The following NDC80 variants were observed in gnomAD, a reference collection of about 807,000 sequenced individuals.
NDC80 encodes NDC80 kinetochore complex component, also known as kinetochore protein NDC80 homolog.
In NDC80, 69 loss-of-function variants were observed where a neutral mutation model predicts 89.3. That is an observed-to-expected ratio of 0.77 (90% CI 0.64 to 0.94). The LOEUF is 0.94. NDC80 is among the 40% of genes least tolerant of loss of function. NDC80 has a pLI of 0.00. For missense variants in NDC80, 593 were observed against 739.6 expected (o/e 0.80, Z 2.30); for synonymous variants, 243 against 255.6 (o/e 0.95, Z 0.47).
intron 7 of NDC80, among the ~76,000 whole-genome samples, chr18:2,586,887 T>G (rs2072605219): frequency 6.6e-6 from 1 of 152,170 alleles, no homozygotes; most frequent in South Asian, 2.1e-4. Context: ...GTTGTCAGAG[T>G]ATCTGGCTTC....
In NDC80 at chr18:2,579,032, AT is replaced by A; in HGVS notation, c.579+6del. ...TTTGGCTAATAGACTGCATCAAGGT[AT>A]TTGATTTGTTCTTTTGAAATGTATA... On this transcript the variant is annotated splice_donor_region_variant and intron_variant, in intron 6 of 16. Transcript: ENST00000261597. 6.7e-7 allele frequency: 1 copy of A among 1,501,832 alleles called. No homozygotes were observed. Among genetic ancestry groups the A allele is most frequent in the South Asian group, 1.3e-5 (1 of 74,462 alleles). 93.0% of individuals were successfully genotyped at this position (1,501,832 alleles called of 1,614,324 possible). A position where few individuals can be genotyped will look rare whatever the true frequency, so the allele number is the denominator to read the frequency against.
At chr18:2,576,591 A>G (rs1325448576) in intron 3 of NDC80, among the ~76,000 whole-genome samples, 2 of 152,216 alleles carry the variant, frequency 1.3e-5, no homozygotes, top group East Asian at 3.8e-4. Context: ...CAACACTTTG[A>G]GAACAACCAT....
chr18:2,585,304 A>C, intron 7 of NDC80, 102 bp downstream of exon 7: 2 of 826,296 alleles, frequency 2.4e-6, no homozygotes, highest in Non-Finnish European at 3.8e-6. Context: ...TAGAGTAATA[A>C]ACCGACTGTA....
intron 15 of NDC80, 25 bp from the exon 16 acceptor site, chr18:2,610,734 T>G (rs1487708009): frequency 6.6e-7 from 1 of 1,510,948 alleles, no homozygotes; most frequent in Admixed American, 1.9e-5. Flanking sequence ...CCTGGACAAC[T>G]TAAACAAGAG....
chr18:2,589,634 A>C (rs1197825571), intron 9 of NDC80, among the ~76,000 whole-genome samples: 1 of 152,230 alleles, frequency 6.6e-6, no homozygotes, highest in African/African-American at 2.4e-5. Context: ...AGAAGCCCTG[A>C]GTTTTGGAGG....
chr18:2,594,851 A>G (rs561464021), intron 10 of NDC80: 3 of 152,456 alleles, frequency 2.0e-5, no homozygotes, highest in African/African-American at 4.8e-5. Flanking sequence ...AGGAAGGTCA[A>G]TGGAGGGATC....
chr18:2,589,564 A>G (rs1342278236), intron 9 of NDC80, among the ~76,000 whole-genome samples: 1 of 152,212 alleles, frequency 6.6e-6, no homozygotes, highest in Non-Finnish European at 1.5e-5. Context: ...CTTACATAAG[A>G]TCAAAAGTAC....
chr18:2,604,478 T>A (rs1007606585), intron 13 of NDC80, among the ~76,000 whole-genome samples: 2 of 151,792 alleles, frequency 1.3e-5, no homozygotes, highest in African/African-American at 4.8e-5. Flanking sequence ...AGCTCAGGAG[T>A]TCAGGACCAG....
chr18:2,612,276 CTTTTTTTTTTTTTTTTTTT>C (rs55648444), intron 16 of NDC80, among the ~76,000 whole-genome samples: 1 of 60,398 alleles, frequency 1.7e-5, no homozygotes, highest in Non-Finnish European at 2.9e-5. Flanking sequence ...TCTTTTCTTT[CTTTTTTTTTTTTTTTTTTT>C]TTTTTTTTTT....
chr18:2,604,788 T>C (rs2072701638), intron 13 of NDC80, among the ~76,000 whole-genome samples: 1 of 152,216 alleles, frequency 6.6e-6, no homozygotes, highest in South Asian at 2.1e-4. Context: ...GGGGCTTGCC[T>C]TACTGGTTGA....
At position 2,602,905 on chromosome 18, in the gene NDC80, G is replaced by A. The variant is rs138097512; in HGVS notation, c.1464+1420G>A. Among the ~76,000 whole-genome samples, 27 of 152,300 alleles carry A rather than the reference G, an allele frequency of 1.8e-4. 1 individual carries two copies. The East Asian group carries it at 4.0e-3, about 23-fold the overall frequency. On this transcript the variant is annotated intron_variant, in intron 13 of 16. Transcript: ENST00000261597. Reference sequence around the variant, plus strand: ...TACTAGAACTAGAGGGAAGGAAACAGGTTTAGGAAATGTTAAGGAGGTAGA... The same window carrying A: ...TACTAGAACTAGAGGGAAGGAAACAAGTTTAGGAAATGTTAAGGAGGTAGA...
chr18:2,584,282 C>A (rs547840691), intron 6 of NDC80, among the ~76,000 whole-genome samples: 19 of 131,608 alleles, frequency 1.4e-4, no homozygotes, highest in East Asian at 8.7e-4. Context: ...AGTGAGACTC[C>A]GTCTCAAAAA....
chr18:2,592,910 T>G (rs923874245), intron 10 of NDC80, among the ~76,000 whole-genome samples: 8 of 151,658 alleles, frequency 5.3e-5, no homozygotes, highest in African/African-American at 9.7e-5. Flanking sequence ...AGGCCATGAG[T>G]CACAGAAGGT....
At chr18:2,594,894 T>C (rs1052950337) in intron 10 of NDC80, 6 of 152,246 alleles carry the variant, frequency 3.9e-5, no homozygotes, top group African/African-American at 1.4e-4. Flanking sequence ...TTTTTTCACA[T>C]TGTGAGTTTC....
At chr18:2,572,155 A>C (rs191372644) in intron 1 of NDC80, among the ~76,000 whole-genome samples, 46 of 152,334 alleles carry the variant, frequency 3.0e-4, no homozygotes, top group African/African-American at 1.1e-3. Context: ...GCGCATATTG[A>C]AGAGGAAATA....
intron 12 of NDC80, 46 bp from the exon 13 acceptor site, chr18:2,601,350 T>TCGCC: frequency 3.2e-6 from 3 of 936,372 alleles, no homozygotes; most frequent in South Asian, 2.0e-5. Flanking sequence ...AGGGATATTT[T>TCGCC]GTAATTAAAT....
intron 5 of NDC80, 21 bp downstream of exon 5, chr18:2,578,162 T>C: frequency 6.3e-7 from 1 of 1,591,766 alleles, no homozygotes; most frequent in Non-Finnish European, 8.6e-7. Context: ...TTCTTATTAG[T>C]TTAGAGACAT....
rs370927582 is a variant in NDC80 at position 2,606,545 on chromosome 18, G to A, written c.1557+38G>A. On this transcript the variant is annotated intron_variant, in intron 14 of 16. Coordinates refer to ENST00000261597, the MANE Select transcript of NDC80 (RefSeq NM_006101.3). ...CCACAGTTTGCGTAGGTTATCAAAAGCTATGTCATGATTGCTTGATGAGTC... is the reference window on the plus strand; with the variant it reads ...CCACAGTTTGCGTAGGTTATCAAAAACTATGTCATGATTGCTTGATGAGTC... 207 of 1,373,124 alleles carry A rather than the reference G, an allele frequency of 1.5e-4. No individual in the cohort carries two copies. In the African/African-American group the frequency reaches 2.4e-3, roughly 16 times the overall value. The allele number at this position is 1,373,124 out of a possible 1,614,324, so 85.1% of individuals were successfully genotyped here. A position where few individuals can be genotyped will look rare whatever the true frequency, so the allele number is the denominator to read the frequency against.
In NDC80 at chr18:2,608,697, T is replaced by A. The variant is rs759552845; in HGVS notation, c.1558-3T>A. 3.1e-6 allele frequency: 5 copies of A among 1,610,390 alleles called. No homozygotes were observed. Among genetic ancestry groups the A allele is most frequent in the East Asian group, 4.5e-5 (2 of 44,764 alleles). Reference sequence around the variant, plus strand: ...ACCCATAACCGTGACTTTATCCTGATAGGAAGCAGAGGAAGAGGATGAAAA... The same window carrying A: ...ACCCATAACCGTGACTTTATCCTGAAAGGAAGCAGAGGAAGAGGATGAAAA... On this transcript the variant is annotated splice_polypyrimidine_tract_variant and splice_region_variant and intron_variant, in intron 14 of 16. Transcript: ENST00000261597.
Sources: allele counts gnomAD v4.1 joint callset (sites outside exome capture counted in the v4.1 genomes callset), GRCh38; gene constraint gnomAD v4.1.1; transcripts MANE v1.5; gene names NCBI Gene and HGNC (gene_info 2026-07-23, HGNC 2026-07-21).